KLHL22: variants seen among roughly 807,000 people sequenced by gnomAD.
KLHL22 encodes kelch-like protein 22.
Under a neutral mutation model 60.7 loss-of-function variants are expected in KLHL22, and 18 were observed. That is an observed-to-expected ratio of 0.30 (90% confidence interval 0.20 to 0.44). KLHL22 has a LOEUF of 0.44. KLHL22 is among the 20% of genes least tolerant of loss of function. The pLI, the probability that KLHL22 is intolerant of heterozygous loss-of-function variation, is 1.00. For missense variants in KLHL22, 596 were observed against 852.3 expected (o/e 0.70, Z 3.74); for synonymous variants, 355 against 354.5 (o/e 1.00, Z -0.01).
At chr22:20,450,633 T>C in intron 5 of KLHL22, 1 of 1,586,940 alleles carries the variant, frequency 6.3e-7, no homozygotes, top group Non-Finnish European at 8.7e-7. Flanking sequence ...AAGAGTTCAT[T>C]CTTCTGAGGC....
At position 20,441,911 on chromosome 22, in the gene KLHL22, G is replaced by A. The variant is rs2052763584; in HGVS notation, c.*162C>T. On this transcript the variant is annotated 3_prime_UTR_variant, in exon 7 of 7. Transcript: ENST00000328879. ...CATGGCCCTGAGATGCCTGCGGCAG[G>A]CTGGCCAAGGGGCTGGTGTGAAGAA... 3 of 623,628 alleles carry A rather than the reference G, an allele frequency of 4.8e-6. No homozygotes were observed. Among genetic ancestry groups the A allele is most frequent in the Middle Eastern group, 9.2e-4 (2 of 2,172 alleles). 38.6% of individuals were successfully genotyped at this position (623,628 alleles called of 1,614,324 possible). A position where few individuals can be genotyped will look rare whatever the true frequency, so the allele number is the denominator to read the frequency against.
Position 20,446,654 on chromosome 22 carries a change from G to A in KLHL22, c.1328C>T (p.Thr443Met), listed in dbSNP as rs147687020. The stretch of plus-strand genomic sequence containing the variant: ...GGTGATATACATCTTCCCCTCCAGC[G>A]TCGCGCCTGCGTGGGCATACACCTG... ...KREVYAHAGA[T>M]LEGKMYITCG... Residue 443 changes from threonine to methionine, a missense_variant, in exon 6 of 7, where the codon ACG becomes ATG. Coordinates refer to ENST00000328879, the MANE Select transcript of KLHL22 (RefSeq NM_032775.4). The A allele has an allele frequency of 1.0e-4, 161 of 1,611,552 alleles. No individual in the cohort carries two copies. The African/African-American group carries it at 1.4e-3, about 14-fold the overall frequency.
intron 2 of KLHL22, among the ~76,000 whole-genome samples, chr22:20,475,648 A>T (rs999232140): frequency 4.0e-5 from 6 of 150,602 alleles, no homozygotes; most frequent in Non-Finnish European, 7.4e-5. Context: ...CACAACCTCC[A>T]CTTCCCGGGT....
intron 5 of KLHL22, among the ~76,000 whole-genome samples, chr22:20,448,729 T>C (rs978698161): frequency 6.6e-6 from 1 of 152,184 alleles, no homozygotes; most frequent in Non-Finnish European, 1.5e-5. Flanking sequence ...CATGCCTGGC[T>C]AACGTATACA....
At chr22:20,474,832 T>G (rs2053383788) in intron 2 of KLHL22, among the ~76,000 whole-genome samples, 1 of 152,242 alleles carries the variant, frequency 6.6e-6, no homozygotes, top group Non-Finnish European at 1.5e-5. Flanking sequence ...ACAAATACAG[T>G]TGCTGGGTCG....
intron 4 of KLHL22, among the ~76,000 whole-genome samples, chr22:20,464,090 A>G (rs929761204): frequency 1.3e-5 from 2 of 152,192 alleles, no homozygotes; most frequent in Admixed American, 6.5e-5. Context: ...ATCTAATGGT[A>G]GCTGAGTCTT....
chr22:20,478,711 TCA>T (rs2053452771), intron 2 of KLHL22, among the ~76,000 whole-genome samples: 1 of 148,784 alleles, frequency 6.7e-6, no homozygotes, highest in African/African-American at 2.5e-5. Context: ...AGACGGGGTT[TCA>T]CAGTGTTAGC....
chr22:20,484,109 G>A, intron 2 of KLHL22: 1 of 873,202 alleles, frequency 1.1e-6, no homozygotes, highest in Admixed American at 1.8e-5. Context: ...AGCTCATGCT[G>A]TCCGGGGAGG....
At chr22:20,444,757 G>T (rs1035338420) in intron 6 of KLHL22, among the ~76,000 whole-genome samples, 1 of 152,194 alleles carries the variant, frequency 6.6e-6, no homozygotes, top group African/African-American at 2.4e-5. Context: ...GAGAGAAGCA[G>T]AATGGGATAT....
chr22:20,442,947 A>G (rs1476150810), intron 6 of KLHL22, among the ~76,000 whole-genome samples: 1 of 152,286 alleles, frequency 6.6e-6, no homozygotes, highest in African/African-American at 2.4e-5. Context: ...CTTGCGGAGT[A>G]GTCAACATCA....
chr22:20,449,966 C>T (rs747801916), intron 5 of KLHL22, among the ~76,000 whole-genome samples: 2 of 152,182 alleles, frequency 1.3e-5, no homozygotes, highest in Non-Finnish European at 1.5e-5. Context: ...GCCGGGGCGG[C>T]GGCGGCGACG....
At chr22:20,445,884 C>A (rs1441490486) in intron 6 of KLHL22, among the ~76,000 whole-genome samples, 1 of 152,204 alleles carries the variant, frequency 6.6e-6, no homozygotes. Context: ...CAACCTCAGC[C>A]TCCCAAGTAG....
chr22:20,470,015 T>A (rs2053289049), intron 3 of KLHL22, among the ~76,000 whole-genome samples: 2 of 151,950 alleles, frequency 1.3e-5, no homozygotes, highest in Admixed American at 1.3e-4. Flanking sequence ...CAGAAAACTT[T>A]TTGAATTCTG....
At chr22:20,474,541 G>A (rs1042338445) in intron 2 of KLHL22, among the ~76,000 whole-genome samples, 1 of 151,934 alleles carries the variant, frequency 6.6e-6, no homozygotes, top group Non-Finnish European at 1.5e-5. Context: ...ACAGTCCTGC[G>A]CCACCATGCC....
At chr22:20,479,172 C>T (rs2053460053) in intron 2 of KLHL22, among the ~76,000 whole-genome samples, 1 of 151,718 alleles carries the variant, frequency 6.6e-6, no homozygotes, top group African/African-American at 2.4e-5. Context: ...CCTCAACCTC[C>T]TGGGCTCAAG....
intron 2 of KLHL22, chr22:20,484,070 G>T: frequency 1.0e-6 from 1 of 984,232 alleles, no homozygotes; most frequent in Non-Finnish European, 1.6e-6. Context: ...GGGACCAGTA[G>T]TTGGTGGAGA....
chr22:20,486,610 T>C (rs1465760481), intron 2 of KLHL22, among the ~76,000 whole-genome samples: 1 of 152,146 alleles, frequency 6.6e-6, no homozygotes, highest in African/African-American at 2.4e-5. Flanking sequence ...TAGTCCTTTA[T>C]CATTTTAACA....
At position 20,451,006 on chromosome 22, in the gene KLHL22, G is replaced by A. The variant is rs934168142; in HGVS notation, c.1306-4330C>T. 31 of 1,540,048 alleles carry A rather than the reference G, an allele frequency of 2.0e-5. No individual in the cohort carries two copies. The Middle Eastern group carries it at 1.5e-3, about 77-fold the overall frequency. On this transcript the variant is annotated intron_variant, in intron 5 of 6. Coordinates refer to ENST00000328879, the MANE Select transcript of KLHL22 (RefSeq NM_032775.4). ...CTTCGGAAGCCAGCAGTCTCCCATCGATGCAGTAGAGAAATATGACCCCAA... is the reference window on the plus strand; with the variant it reads ...CTTCGGAAGCCAGCAGTCTCCCATCAATGCAGTAGAGAAATATGACCCCAA...
chr22:20,483,047 GC>G, intron 2 of KLHL22: 1 of 665,466 alleles, frequency 1.5e-6, no homozygotes, highest in East Asian at 2.7e-5. Context: ...CTGTCCCTCT[GC>G]CCGGATTTGT....
Sources: gnomAD v4.1 joint callset for allele counts (sites outside exome capture counted in the v4.1 genomes callset) on GRCh38, gnomAD v4.1.1 for gene constraint, MANE v1.5 for transcripts, NCBI Gene and HGNC (gene_info 2026-07-23, HGNC 2026-07-21) for gene names.